The following CASK variants were observed in gnomAD, a reference collection of about 807,000 sequenced individuals.
CASK encodes the protein peripheral plasma membrane protein CASK.
Under a neutral mutation model 82.9 loss-of-function variants are expected in CASK, and 4 were observed. The ratio of observed to expected loss-of-function variants is 0.05; its 90% CI spans 0.02 to 0.11. CASK has a LOEUF of 0.11. Ranked by LOEUF, CASK falls within the 10% of genes least tolerant of loss-of-function variation. The pLI is 1.00. For synonymous variants in CASK, 259 were observed against 253.5 expected (o/e 1.02, Z -0.20); for missense variants, 358 against 720.9 (o/e 0.50, Z 5.76).
At chrX:41,899,150 C>T (rs757096177) in intron 1 of CASK, among the ~76,000 whole-genome samples, 3 of 111,295 alleles carry the variant, frequency 2.7e-5, no homozygotes, top group Non-Finnish European at 5.7e-5. Flanking sequence ...TGAATTGACC[C>T]CTTATCATTA....
chrX:41,718,244 T>G (rs758882028), intron 5 of CASK, among the ~76,000 whole-genome samples: 86 of 113,626 alleles, frequency 7.6e-4, no homozygotes, highest in African/African-American at 2.6e-3. Flanking sequence ...CCTCACTGTA[T>G]GCATCTCTTC....
chrX:41,635,833 G>A (rs2066542004), intron 9 of CASK: 1 of 104,073 alleles, frequency 9.6e-6, no homozygotes, highest in Non-Finnish European at 2.0e-5. Flanking sequence ...GTAGATCAAG[G>A]TAGTGTAAGA....
chrX:41,602,927 A>T (rs2065913596), intron 12 of CASK, among the ~76,000 whole-genome samples: 1 of 111,200 alleles, frequency 9.0e-6, no homozygotes, highest in Non-Finnish European at 1.9e-5. Context: ...AACAGTGGAG[A>T]GACACTCAAA....
chrX:41,730,576 G>A (rs887808427), intron 5 of CASK, among the ~76,000 whole-genome samples: 16 of 111,446 alleles, frequency 1.4e-4, no homozygotes, highest in South Asian at 3.8e-4. Flanking sequence ...TGAGGTGACC[G>A]CCCTGAATGC....
At chrX:41,851,437 TA>T (rs1414446421) in intron 2 of CASK, among the ~76,000 whole-genome samples, 1 of 111,903 alleles carries the variant, frequency 8.9e-6, no homozygotes, top group Non-Finnish European at 1.9e-5. Flanking sequence ...TCCCCTTTTG[TA>T]AATTTGGAAT....
At position 41,909,401 on chromosome X, in the gene CASK, C is replaced by G. The variant is rs144836790; in HGVS notation, c.59+13529G>C. ...GAAAACAAAATACTCAGAAGTCTTT[C>G]TTTACTTTGACTTCAGTGTAAATTT... is the stretch of plus-strand genomic sequence containing the variant. On this transcript the variant is annotated intron_variant, in intron 1 of 26. Coordinates refer to ENST00000378163, the MANE Select transcript of CASK (RefSeq NM_001367721.1). 3.2e-3 allele frequency among the ~76,000 whole-genome samples: 361 copies of G among 112,373 alleles called. 3 individuals carry two copies. The highest frequency in any genetic ancestry group is 0.011 in the African/African-American group (338 of 30,969).
At chrX:41,905,223 A>G (rs1464737814) in intron 1 of CASK, among the ~76,000 whole-genome samples, 1 of 112,405 alleles carries the variant, frequency 8.9e-6, no homozygotes, top group Admixed American at 9.4e-5. Flanking sequence ...CTGTGTAAAT[A>G]TACATTTTTA....
chrX:41,641,553 CAG>C (rs1451236856), intron 8 of CASK, among the ~76,000 whole-genome samples: 1 of 111,446 alleles, frequency 9.0e-6, no homozygotes, highest in Admixed American at 9.6e-5. Flanking sequence ...ATCATTAATT[CAG>C]AGAGATAAAG....
intron 3 of CASK, among the ~76,000 whole-genome samples, chrX:41,762,139 T>A (rs770027794): frequency 8.9e-6 from 1 of 112,106 alleles, no homozygotes; most frequent in East Asian, 2.8e-4. Flanking sequence ...CAAGGTCACA[T>A]GGTTACAAAG....
At chrX:41,808,102 G>T (rs977123362) in intron 2 of CASK, among the ~76,000 whole-genome samples, 2 of 111,816 alleles carry the variant, frequency 1.8e-5, no homozygotes, top group African/African-American at 6.5e-5. Context: ...TGATCCATCT[G>T]CCTCGGCTTC....
At chrX:41,781,564 C>G (rs1185935999) in intron 3 of CASK, among the ~76,000 whole-genome samples, 1 of 112,090 alleles carries the variant, frequency 8.9e-6, no homozygotes, top group Non-Finnish European at 1.9e-5. Context: ...ATCCAGATAA[C>G]CCATAACCTG....
chrX:41,882,848 C>T (rs1048225683), intron 1 of CASK, among the ~76,000 whole-genome samples: 14 of 111,747 alleles, frequency 1.3e-4, no homozygotes, highest in Middle Eastern at 4.6e-3. Flanking sequence ...ATATTTCTTC[C>T]GTCATACTTT....
At chrX:41,881,170 T>C (rs2071946091) in intron 1 of CASK, among the ~76,000 whole-genome samples, 1 of 111,883 alleles carries the variant, frequency 8.9e-6, no homozygotes, top group African/African-American at 3.2e-5. Context: ...TATCTAAGAA[T>C]TGTTTTCATT....
At chrX:41,834,655 G>A in intron 2 of CASK, among the ~76,000 whole-genome samples, 1 of 111,230 alleles carries the variant, frequency 9.0e-6, no homozygotes, top group Non-Finnish European at 1.9e-5. Context: ...TATGGTGAGA[G>A]TGTTCTATTA....
At chrX:41,645,528 C>A (rs915592697) in intron 8 of CASK, among the ~76,000 whole-genome samples, 4 of 111,056 alleles carry the variant, frequency 3.6e-5, no homozygotes, top group African/African-American at 1.3e-4. Context: ...AGAGAAAAGA[C>A]GTCTGTGTCA....
chrX:41,815,013 G>A (rs970322790), intron 2 of CASK, among the ~76,000 whole-genome samples: 11 of 111,642 alleles, frequency 9.9e-5, no homozygotes, highest in Non-Finnish European at 1.9e-4. Flanking sequence ...AAGCAAAGCA[G>A]TGCATGCAGT....
chrX:41,682,055 TAAA>T (rs35914567), intron 5 of CASK, among the ~76,000 whole-genome samples: 10 of 67,789 alleles, frequency 1.5e-4, no homozygotes, highest in Non-Finnish European at 1.6e-4. Context: ...AGGACCATTG[TAAA>T]AAAAAAAAAA....
chrX:41,866,388 C>T (rs950199157), intron 1 of CASK, among the ~76,000 whole-genome samples: 1 of 112,276 alleles, frequency 8.9e-6, no homozygotes, highest in African/African-American at 3.2e-5. Flanking sequence ...TAGGTCTCTC[C>T]AGCACCCAGT....
intron 2 of CASK, among the ~76,000 whole-genome samples, chrX:41,799,842 G>A (rs2069953825): frequency 9.6e-6 from 1 of 104,651 alleles, no homozygotes; most frequent in African/African-American, 3.5e-5. Flanking sequence ...CTGTTTTAAG[G>A]AGTTCAGCAG....
Sources: allele counts gnomAD v4.1 joint callset (sites outside exome capture counted in the v4.1 genomes callset), GRCh38; gene constraint gnomAD v4.1.1; transcripts MANE v1.5; gene names NCBI Gene and HGNC (gene_info 2026-07-23, HGNC 2026-07-21).